Variants in PP2D1 observed in about 807,000 individuals in gnomAD.
PP2D1 encodes protein phosphatase 2C like domain containing 1.
A neutral mutation model predicts 30.2 loss-of-function variants in PP2D1; 25 were observed. The observed-to-expected ratio is 0.83, with a 90% CI of 0.60 to 1.16. The LOEUF (loss-of-function observed/expected upper bound fraction) is 1.16. PP2D1 is among the 50% of genes most tolerant of loss of function. The pLI is 0.00. For synonymous variants in PP2D1, 260 were observed against 258.9 expected (o/e 1.00, Z -0.04); for missense variants, 760 against 742.4 (o/e 1.02, Z -0.28).
intron 2 of PP2D1, among the ~76,000 whole-genome samples, chr3:19,992,537 C>T (rs1697130942): frequency 6.6e-6 from 1 of 152,096 alleles, no homozygotes; most frequent in African/African-American, 2.4e-5. Flanking sequence ...TTTTCACACC[C>T]ATGGAAACAA....
chr3:20,007,183 C>T (rs1483393765), intron 1 of PP2D1, among the ~76,000 whole-genome samples: 1 of 152,008 alleles, frequency 6.6e-6, no homozygotes, highest in Non-Finnish European at 1.5e-5. Context: ...CTCCTGTATA[C>T]TTTAAATCAT....
intron 2 of PP2D1, among the ~76,000 whole-genome samples, chr3:19,991,240 G>A (rs1431535298): frequency 6.6e-6 from 1 of 152,148 alleles, no homozygotes; most frequent in Non-Finnish European, 1.5e-5. Flanking sequence ...TTATGCAGAG[G>A]GTAATGATGT....
chr3:19,994,986 T>C (rs1379574286), intron 2 of PP2D1, among the ~76,000 whole-genome samples: 3 of 152,214 alleles, frequency 2.0e-5, no homozygotes, highest in African/African-American at 4.8e-5. Flanking sequence ...TGAAAAGATA[T>C]TAATTCGTGA....
chr3:19,991,544 C>T lies in PP2D1; in HGVS notation c.1091-5362G>A, dbSNP rs568481784. Among the ~76,000 whole-genome samples, 43 of 152,244 alleles carry T rather than the reference C, an allele frequency of 2.8e-4. 1 individual carries two copies. The highest frequency in any genetic ancestry group is 1.8e-3 in the Admixed American group (28 of 15,288). The stretch of plus-strand genomic sequence containing the variant: ...ATAAAAACACACCTAGGATGCACAA[C>T]GTTGCCAGGGGTAATAAGGACAGTT... On this transcript the variant is annotated intron_variant, in intron 2 of 2. Coordinates refer to ENST00000389050, the MANE Select transcript of PP2D1 (RefSeq NM_001252657.2).
chr3:19,988,040 G>C (rs973641787), intron 2 of PP2D1, among the ~76,000 whole-genome samples: 1 of 151,942 alleles, frequency 6.6e-6, no homozygotes, highest in African/African-American at 2.4e-5. Flanking sequence ...GTTGTATGTC[G>C]CTTCAGGACC....
At chr3:19,988,270 G>C (rs772768838) in intron 2 of PP2D1, among the ~76,000 whole-genome samples, 5 of 152,144 alleles carry the variant, frequency 3.3e-5, no homozygotes, top group African/African-American at 4.8e-5. Flanking sequence ...CTTTTTCTCA[G>C]CAAGGAACAG....
intron 2 of PP2D1, among the ~76,000 whole-genome samples, chr3:19,996,138 C>T (rs907331897): frequency 4.0e-5 from 6 of 151,584 alleles, no homozygotes; most frequent in Admixed American, 2.0e-4. Flanking sequence ...CACATAGGAG[C>T]AATAAAACAA....
Position 19,985,891 on chromosome 3 carries a change from A to C in PP2D1, c.1382T>G (p.Leu461Trp). The C allele has an allele frequency of 1.3e-6, 2 of 1,536,464 alleles. No individual in the cohort carries two copies. The highest frequency in any genetic ancestry group is 2.0e-5 in the Admixed American group (1 of 51,004). ...IVATNGLWEV[L>W]DKEEVTALAM... ...CAGGGCAGTAACTTCCTCTTTATCCAAAACTTCCCAAAGTCCATTAGTAGC... is the reference window on the plus strand; with the variant it reads ...CAGGGCAGTAACTTCCTCTTTATCCCAAACTTCCCAAAGTCCATTAGTAGC... Residue 461 changes from leucine (L) to tryptophan (W), a missense_variant, in exon 3 of 3, where the codon TTG becomes TGG. Leu to Trp is a moderately conservative substitution (Grantham distance 61). This residue lies in a region of PP2D1 where 369 missense variants were observed against 316.2 expected (regional missense o/e 1.17). Coordinates refer to ENST00000389050, the MANE Select transcript of PP2D1 (RefSeq NM_001252657.2).
At chr3:19,996,050 CA>C (rs1559497959) in intron 2 of PP2D1, among the ~76,000 whole-genome samples, 1 of 151,916 alleles carries the variant, frequency 6.6e-6, no homozygotes, top group East Asian at 1.9e-4. Context: ...AAATCCAGGA[CA>C]AACTAAACTC....
intron 1 of PP2D1, among the ~76,000 whole-genome samples, chr3:20,010,039 G>A (rs902180854): frequency 2.0e-5 from 3 of 151,714 alleles, no homozygotes; most frequent in Admixed American, 6.6e-5. Flanking sequence ...CACTAGCTTC[G>A]ACTGTCATCA....
Position 19,997,417 on chromosome 3 carries a change from T to C in PP2D1, c.1090+3613A>G, listed in dbSNP as rs557587483. On this transcript the variant is annotated intron_variant, in intron 2 of 2. Transcript: ENST00000389050. ...TCTCAACATAATAAAGGCCCTGCTA[T>C]GGTATGTATTTTTGTTCCCCCCAAA... Among the ~76,000 whole-genome samples the C allele has an allele frequency of 2.6e-5, 4 of 151,714 alleles. No homozygotes were observed. In the South Asian group the frequency reaches 8.3e-4, roughly 32 times the overall value.
chr3:20,000,479 C>T (rs549319689), intron 2 of PP2D1, among the ~76,000 whole-genome samples: 4 of 152,210 alleles, frequency 2.6e-5, no homozygotes, highest in African/African-American at 9.6e-5. Flanking sequence ...CTGAAATAAC[C>T]TTTAAACAAT....
chr3:20,004,235 T>C (rs1327248725), intron 1 of PP2D1, among the ~76,000 whole-genome samples: 4 of 152,214 alleles, frequency 2.6e-5, no homozygotes, highest in Non-Finnish European at 5.9e-5. Context: ...GCCTACAGTA[T>C]TCACTACAGT....
downstream of PP2D1, among the ~76,000 whole-genome samples, chr3:19,983,540 C>T (rs916607281): frequency 1.3e-5 from 2 of 151,954 alleles, no homozygotes; most frequent in African/African-American, 4.8e-5. Context: ...AAGACAGCAA[C>T]CAATATTTTG....
chr3:20,001,655 C>T lies in PP2D1; in HGVS notation c.465G>A (p.Arg155=). 6.5e-7 allele frequency: 1 copy of T among 1,535,928 alleles called. No homozygotes were observed. Among genetic ancestry groups the T allele is most frequent in the South Asian group, 1.2e-5 (1 of 84,008 alleles). The change falls in exon 2 of 3, where the codon AGG becomes AGA. Residue 155 remains arginine (R), a synonymous_variant. Coordinates refer to ENST00000389050, the MANE Select transcript of PP2D1 (RefSeq NM_001252657.2). ...ATATTTTTTGAGAATATATGACACT[C>T]CTGTCAATGTTATCAAAAATCTTAT... ...AYYKIFDNID[R]SVIYSQKICH...
chr3:20,004,593 G>C (rs568752253), intron 1 of PP2D1, among the ~76,000 whole-genome samples: 1 of 152,258 alleles, frequency 6.6e-6, no homozygotes, highest in Admixed American at 6.5e-5. Flanking sequence ...GGCGAGGATA[G>C]GAAAGAAAAG....
rs894242038 is a variant in PP2D1, at chr3:19,985,624, A to G, written c.1649T>C (p.Val550Ala). The change falls in exon 3 of 3, where the codon GTA becomes GCA. Residue 550 changes from valine to alanine, a missense_variant. By Grantham distance (64) the Val-to-Ala change is moderately conservative. Coordinates refer to ENST00000389050, the MANE Select transcript of PP2D1 (RefSeq NM_001252657.2). ...SKYCIYNPENVETFPAETTHR... is the reference protein window; with the variant it reads ...SKYCIYNPENAETFPAETTHR... ...AGTCGTTTCTGCTGGAAATGTTTCT[A>G]CATTCTCAGGGTTATAAATACAGTA... 18 of 1,535,860 alleles carry G rather than the reference A, an allele frequency of 1.2e-5. No homozygotes were observed. The highest frequency in any genetic ancestry group is 1.4e-5 in the Non-Finnish European group (16 of 1,146,776).
intron 1 of PP2D1, among the ~76,000 whole-genome samples, chr3:20,009,685 A>G (rs745687429): frequency 6.6e-6 from 1 of 152,238 alleles, no homozygotes; most frequent in Non-Finnish European, 1.5e-5. Flanking sequence ...GATAAATAAT[A>G]GTGCACTATG....
intron 2 of PP2D1, among the ~76,000 whole-genome samples, chr3:19,996,467 G>A (rs1360093155): frequency 2.0e-5 from 3 of 151,992 alleles, no homozygotes; most frequent in Admixed American, 6.6e-5. Flanking sequence ...TGAAAAGCCC[G>A]GGACCAGATG....
Sources: allele counts gnomAD v4.1 joint callset (sites outside exome capture counted in the v4.1 genomes callset), GRCh38; gene constraint gnomAD v4.1.1; regional missense constraint gnomAD v4.1.1; transcripts MANE v1.5; gene names NCBI Gene and HGNC (gene_info 2026-07-23, HGNC 2026-07-21).